Variants in PTPRD observed in about 807,000 individuals in gnomAD.
PTPRD encodes receptor-type tyrosine-protein phosphatase delta.
Under a neutral mutation model 214.5 loss-of-function variants are expected in PTPRD, and 34 were observed. The observed-to-expected ratio is 0.16, with a 90% CI of 0.12 to 0.21. The LOEUF is 0.21. Among genes scored for constraint, PTPRD ranks in the 10% least tolerant of loss-of-function variants. The pLI is 1.00. For synonymous variants in PTPRD, 1,128 were observed against 845.7 expected (o/e 1.33, Z -5.79); for missense variants, 2,545 against 2,398.7 (o/e 1.06, Z -1.27).
intron 12 of PTPRD, chr9:8,713,656 C>G (rs1011756661): frequency 1.3e-6 from 2 of 1,510,330 alleles, no homozygotes; most frequent in Admixed American, 3.3e-5. Flanking sequence ...CATGGGCGCC[C>G]GGCACCGCGC....
At chr9:9,243,978 C>A (rs1334454041) in intron 9 of PTPRD, among the ~76,000 whole-genome samples, 1 of 152,116 alleles carries the variant, frequency 6.6e-6, no homozygotes, top group Non-Finnish European at 1.5e-5. Flanking sequence ...AAATCACAAG[C>A]ATTCTTATAC....
intron 3 of PTPRD, among the ~76,000 whole-genome samples, chr9:10,257,729 T>C (rs1479024658): frequency 6.6e-6 from 1 of 152,156 alleles, no homozygotes; most frequent in Non-Finnish European, 1.5e-5. Context: ...GGTCTATGCA[T>C]GGGCATAGAC....
At chr9:9,438,558 A>G (rs1278429080) in intron 8 of PTPRD, among the ~76,000 whole-genome samples, 2 of 152,164 alleles carry the variant, frequency 1.3e-5, no homozygotes, top group African/African-American at 4.8e-5. Context: ...AATTGTATAA[A>G]TCAGTTAGTT....
intron 4 of PTPRD, among the ~76,000 whole-genome samples, chr9:9,954,746 A>C (rs2093764652): frequency 6.6e-6 from 1 of 152,108 alleles, no homozygotes; most frequent in Admixed American, 6.5e-5. Context: ...ATATCCCAGC[A>C]ATGTTATTTG....
At chr9:10,518,083 C>T (rs553685755) in intron 2 of PTPRD, among the ~76,000 whole-genome samples, 1 of 152,216 alleles carries the variant, frequency 6.6e-6, no homozygotes, top group South Asian at 2.1e-4. Context: ...ACTCAATGAC[C>T]TCAATCCATT....
Position 10,261,361 on chromosome 9 carries a change from T to C in PTPRD, c.-545+79602A>G, listed in dbSNP as rs550309160. 4.6e-5 allele frequency among the ~76,000 whole-genome samples: 7 copies of C among 152,130 alleles called. No homozygotes were observed. The East Asian group carries it at 1.2e-3, about 25-fold the overall frequency. ...AAGTGTAATATCTCAATGACTGGCA[T>C]TGCTAATGTTATGAACATTTGAAAT... On this transcript the variant is annotated intron_variant, in intron 3 of 45. Transcript: ENST00000381196.
intron 3 of PTPRD, among the ~76,000 whole-genome samples, chr9:10,105,323 C>T (rs961742965): frequency 6.6e-6 from 1 of 151,802 alleles, no homozygotes; most frequent in Non-Finnish European, 1.5e-5. Context: ...TGTCTAACCA[C>T]CTAGTTCCTT....
intron 11 of PTPRD, among the ~76,000 whole-genome samples, chr9:8,965,314 A>C (rs2099186859): frequency 6.7e-6 from 1 of 149,468 alleles, no homozygotes; most frequent in African/African-American, 2.5e-5. Context: ...CGGGAGGCGG[A>C]GGTTGCAGTG....
At chr9:9,516,016 C>T (rs1034531725) in intron 8 of PTPRD, among the ~76,000 whole-genome samples, 3 of 152,042 alleles carry the variant, frequency 2.0e-5, no homozygotes, top group Non-Finnish European at 4.4e-5. Context: ...TTTATTTGTA[C>T]CCATATGCAA....
At chr9:9,429,098 A>T (rs2082100631) in intron 8 of PTPRD, among the ~76,000 whole-genome samples, 1 of 152,172 alleles carries the variant, frequency 6.6e-6, no homozygotes, top group South Asian at 2.1e-4. Flanking sequence ...CCCTTCAAAA[A>T]TCAATGAATC....
chr9:8,516,998 G>C (rs2097792610), intron 21 of PTPRD, among the ~76,000 whole-genome samples: 1 of 151,830 alleles, frequency 6.6e-6, no homozygotes, highest in African/African-American at 2.4e-5. Context: ...TTTTAATAGA[G>C]ATGAGGTTTT....
intron 3 of PTPRD, among the ~76,000 whole-genome samples, chr9:10,337,852 A>AT (rs1565383987): frequency 6.6e-6 from 1 of 151,648 alleles, no homozygotes. Context: ...CCCGTATAAC[A>AT]TTTTTTTCAG....
Position 8,579,576 on chromosome 9 carries a change from G to C in PTPRD, c.353-50797C>G, listed in dbSNP as rs1365802549. Among the ~76,000 whole-genome samples, 3 of 152,146 alleles carry C rather than the reference G, an allele frequency of 2.0e-5. No homozygotes were observed. In the East Asian group the frequency reaches 5.8e-4, roughly 29 times the overall value. ...AAAACCCACAGTGCCTGTCATAAAA[G>C]AAGTCACATTCTAGGGGAACAAAAG... On this transcript the variant is annotated intron_variant, in intron 14 of 45. Coordinates refer to ENST00000381196, the MANE Select transcript of PTPRD (RefSeq NM_002839.4).
chr9:9,562,372 G>A (rs930031342), intron 8 of PTPRD, among the ~76,000 whole-genome samples: 1 of 152,012 alleles, frequency 6.6e-6, no homozygotes, highest in Non-Finnish European at 1.5e-5. Context: ...TCTGCATTAC[G>A]GTAGCCTTTA....
chr9:9,841,337 T>C (rs533415587), intron 5 of PTPRD, among the ~76,000 whole-genome samples: 33 of 152,244 alleles, frequency 2.2e-4, no homozygotes, highest in Non-Finnish European at 2.4e-4. Context: ...TCATAATTTC[T>C]CTTACTAGCT....
At chr9:9,368,922 C>A (rs940127215) in intron 9 of PTPRD, among the ~76,000 whole-genome samples, 4 of 151,922 alleles carry the variant, frequency 2.6e-5, no homozygotes, top group Non-Finnish European at 5.9e-5. Flanking sequence ...TCCCCACACC[C>A]CACAACAGTC....
chr9:10,172,169 A>C (rs760968396), intron 3 of PTPRD, among the ~76,000 whole-genome samples: 2 of 152,270 alleles, frequency 1.3e-5, no homozygotes, highest in African/African-American at 4.8e-5. Context: ...TTCTAGTGGC[A>C]GATTTTTGTT....
chr9:8,526,568 A>G, intron 17 of PTPRD, 59 bp downstream of exon 17: 2 of 1,442,014 alleles, frequency 1.4e-6, no homozygotes, highest in Non-Finnish European at 9.4e-7. Context: ...GATGAGAGGG[A>G]TGAAAGGACA....
intron 3 of PTPRD, among the ~76,000 whole-genome samples, chr9:10,267,438 T>C (rs990165408): frequency 2.0e-5 from 3 of 152,170 alleles, no homozygotes; most frequent in Non-Finnish European, 2.9e-5. Context: ...TCGTGGTTTA[T>C]GAATAAAAAG....
Sources: allele counts gnomAD v4.1 joint callset (sites outside exome capture counted in the v4.1 genomes callset), GRCh38; gene constraint gnomAD v4.1.1; transcripts MANE v1.5; gene names NCBI Gene and HGNC (gene_info 2026-07-23, HGNC 2026-07-21).